Variants in FAM47B observed in about 807,000 individuals in gnomAD.
FAM47B encodes the protein family with sequence similarity 47 member B, also known as protein FAM47B.
For synonymous variants in FAM47B, 247 were observed against 215.8 expected (o/e 1.14, Z -1.27); for missense variants, 581 against 550.1 (o/e 1.06, Z -0.56).
Position 34,943,092 on chromosome X carries a change from A to G in FAM47B, c.261A>G (p.Gln87=), listed in dbSNP as rs746135217. The G allele has an allele frequency of 6.6e-6, 8 of 1,211,840 alleles. No individual in the cohort carries two copies. Among genetic ancestry groups the G allele is most frequent in the Non-Finnish European group, 8.9e-6 (8 of 895,545 alleles). The part of the protein sequence containing the change: ...LLPKISLRGP[Q]ADRKSRKKKL... ...CCAAAATATCTCTCAGAGGTCCCCA[A>G]GCTGACCGCAAAAGCAGGAAGAAAA... The change falls in exon 1 of 1, where the codon CAA becomes CAG. Residue 87 remains glutamine, a synonymous_variant. Transcript: ENST00000329357.
chrX:34,944,643 T>G lies in FAM47B; in HGVS notation c.1812T>G (p.Pro604=), dbSNP rs1926856360. 8.3e-7 allele frequency: 1 copy of G among 1,210,136 alleles called. No homozygotes were observed. Among genetic ancestry groups the G allele is most frequent in the African/African-American group, 1.7e-5 (1 of 57,187 alleles). Residue 604 remains proline (P), a synonymous_variant, in exon 1 of 1, where the codon CCT becomes CCG. Coordinates refer to ENST00000329357, the MANE Select transcript of FAM47B (RefSeq NM_152631.3). ...DFILSKGYRM[P]GVIEKLFAKK... Reference sequence around the variant, plus strand: ...TTCTAAGCAAGGGCTACAGAATGCCTGGCGTCATTGAAAAGCTGTTTGCCA... The same window carrying G: ...TTCTAAGCAAGGGCTACAGAATGCCGGGCGTCATTGAAAAGCTGTTTGCCA...
chrX:34,943,047 C>T lies in FAM47B; in HGVS notation c.216C>T (p.Arg72=), dbSNP rs1162005729. 8.3e-7 allele frequency: 1 copy of T among 1,212,006 alleles called. No homozygotes were observed. The highest frequency in any genetic ancestry group is 1.8e-5 in the South Asian group (1 of 56,978). The change falls in exon 1 of 1, where the codon CGC becomes CGT. Residue 72 remains arginine (R), a synonymous_variant. Transcript: ENST00000329357. ...CTCCTGAAGATACGCTTGTTTGTCG[C>T]CGTGACGAGTTTTTACTCCCCAAAA... The part of the protein sequence containing the change: ...CQSPEDTLVC[R]RDEFLLPKIS...
In FAM47B at chrX:34,944,016, C is replaced by G. The variant is rs756198429; in HGVS notation, c.1185C>G (p.Pro395=). 5 of 1,210,047 alleles carry G rather than the reference C, an allele frequency of 4.1e-6. No homozygotes were observed. The highest frequency in any genetic ancestry group is 3.4e-6 in the Non-Finnish European group (3 of 895,131). The change falls in exon 1 of 1, where the codon CCC becomes CCG. Residue 395 remains proline, a synonymous_variant. Coordinates refer to ENST00000329357, the MANE Select transcript of FAM47B (RefSeq NM_152631.3). ...SCPRPFESRM[P]HLRLVLPITR... ...CGCGGCCTTTTGAGAGTCGGATGCC[C>G]CATCTCCGCCTGGTGCTTCCCATAA...
rs1255633908 is a variant in FAM47B, at chrX:34,944,787, G to A, written c.*18G>A. ...AAGATTAGATGGTTTTCAATTTACT[G>A]CTTAATTGGGTATTTCTTGCTCTCA... On this transcript the variant is annotated 3_prime_UTR_variant, in exon 1 of 1. Coordinates refer to ENST00000329357, the MANE Select transcript of FAM47B (RefSeq NM_152631.3). 1 of 1,133,859 alleles carries A rather than the reference G, an allele frequency of 8.8e-7. No individual in the cohort carries two copies. Among genetic ancestry groups the A allele is most frequent in the East Asian group, 3.0e-5 (1 of 32,977 alleles). 93.4% of individuals were successfully genotyped at this position (1,133,859 alleles called of 1,213,427 possible). A position where few individuals can be genotyped will look rare whatever the true frequency, so the allele number is the denominator to read the frequency against.
rs758718114 is a variant in FAM47B, at chrX:34,943,992, G to T, written c.1161G>T (p.Pro387=). ...PGKYHFWESC[P]RPFESRMPHL... ...AATACCATTTTTGGGAATCCTGTCC[G>T]CGGCCTTTTGAGAGTCGGATGCCCC... The change falls in exon 1 of 1, where the codon CCG becomes CCT. Residue 387 remains proline, a synonymous_variant. Coordinates refer to ENST00000329357, the MANE Select transcript of FAM47B (RefSeq NM_152631.3). The T allele has an allele frequency of 8.3e-7, 1 of 1,210,415 alleles. No homozygotes were observed. Among genetic ancestry groups the T allele is most frequent in the South Asian group, 1.8e-5 (1 of 56,881 alleles).
At position 34,944,249 on chromosome X, in the gene FAM47B, G is replaced by A. The variant is rs1301064836; in HGVS notation, c.1418G>A (p.Gly473Glu). ...GACTTCAAGTGGGCTGGAGACCTAG[G>A]AGTTAATGAAGAATCCATCAGCAGT... ...LRDFKWAGDL[G>E]VNEESISSLF... Residue 473 changes from glycine to glutamate, a missense_variant, in exon 1 of 1, where the codon GGA becomes GAA. Physicochemically the swap from Gly to Glu is moderately conservative, Grantham distance 98 (BLOSUM62 -2). Coordinates refer to ENST00000329357, the MANE Select transcript of FAM47B (RefSeq NM_152631.3). 2 of 1,209,943 alleles carry A rather than the reference G, an allele frequency of 1.7e-6. No individual in the cohort carries two copies. Among genetic ancestry groups the A allele is most frequent in the Non-Finnish European group, 2.2e-6 (2 of 895,330 alleles).
chrX:34,943,134 G>A lies in FAM47B; in HGVS notation c.303G>A (p.Ala101=), dbSNP rs143433018. ...GGAAGAAAAAGCTGCTCAAGAAAGCGGCCCTATTTTCCGAGCTCTCGCCAG... is the reference window on the plus strand; with the variant it reads ...GGAAGAAAAAGCTGCTCAAGAAAGCAGCCCTATTTTCCGAGCTCTCGCCAG... ...KSRKKKLLKK[A]ALFSELSPVQ... The change falls in exon 1 of 1, where the codon GCG becomes GCA. Residue 101 remains alanine, a synonymous_variant. Coordinates refer to ENST00000329357, the MANE Select transcript of FAM47B (RefSeq NM_152631.3). The A allele has an allele frequency of 5.0e-6, 6 of 1,210,099 alleles. No homozygotes were observed. The highest frequency in any genetic ancestry group is 3.5e-5 in the African/African-American group (2 of 57,173).
Position 34,944,539 on chromosome X carries a change from C to T in FAM47B, c.1708C>T (p.Pro570Ser). Residue 570 changes from proline (P) to serine (S), a missense_variant, in exon 1 of 1, where the codon CCC (proline) becomes TCC (serine). Transcript: ENST00000329357. ...KLRSDEPLID[P>S]KPVLEKPDEP... ...AAGAAGTGATGAACCTTTGATTGAC[C>T]CCAAGCCCGTACTTGAAAAGCCTGA... 6 of 1,210,786 alleles carry T rather than the reference C, an allele frequency of 5.0e-6. No individual in the cohort carries two copies. The highest frequency in any genetic ancestry group is 6.7e-6 in the Non-Finnish European group (6 of 895,093).
chrX:34,942,800 G>A lies in FAM47B; in HGVS notation c.-32G>A, dbSNP rs1283785591. On this transcript the variant is annotated 5_prime_UTR_variant, in exon 1 of 1. Transcript: ENST00000329357. ...GCGGCAGGGATCTGGAACCTCAGAA[G>A]CTGGAGAGGTGGCACAACAGAGAGG... 20 of 1,145,279 alleles carry A rather than the reference G, an allele frequency of 1.7e-5. No homozygotes were observed. The highest frequency in any genetic ancestry group is 3.2e-5 in the East Asian group (1 of 31,399). 94.4% of individuals were successfully genotyped at this position (1,145,279 alleles called of 1,213,427 possible).
chrX:34,943,852 G>A lies in FAM47B; in HGVS notation c.1021G>A (p.Val341Met). 1.7e-6 allele frequency: 2 copies of A among 1,208,535 alleles called. No homozygotes were observed. Among genetic ancestry groups the A allele is most frequent in the Non-Finnish European group, 2.2e-6 (2 of 894,711 alleles). Reference sequence around the variant, plus strand: ...CCTGGAACCTCCCAACACTCATCGGGTGTCCAGTTTCCTACTACAGGTGCT... The same window carrying A: ...CCTGGAACCTCCCAACACTCATCGGATGTCCAGTTTCCTACTACAGGTGCT... ...LCLEPPNTHR[V>M]SSFLLQVLKL... The change falls in exon 1 of 1, where the codon GTG becomes ATG. Residue 341 changes from valine (V) to methionine (M), a missense_variant. Transcript: ENST00000329357.
At position 34,943,155 on chromosome X, in the gene FAM47B, G is replaced by A. The variant is rs753064894; in HGVS notation, c.324G>A (p.Ser108=). The change falls in exon 1 of 1, where the codon TCG becomes TCA. Residue 108 remains serine (S), a synonymous_variant. Coordinates refer to ENST00000329357, the MANE Select transcript of FAM47B (RefSeq NM_152631.3). ...AAGCGGCCCTATTTTCCGAGCTCTCGCCAGTACAGCCAGCACGGAAGGCGT... is the reference window on the plus strand; with the variant it reads ...AAGCGGCCCTATTTTCCGAGCTCTCACCAGTACAGCCAGCACGGAAGGCGT... ...LKKAALFSEL[S]PVQPARKAFV... is the part of the protein sequence containing the mutation. 1.7e-6 allele frequency: 2 copies of A among 1,209,547 alleles called. No homozygotes were observed. The highest frequency in any genetic ancestry group is 2.2e-6 in the Non-Finnish European group (2 of 895,162).
rs766510395 is a variant in FAM47B at position 34,944,547 on chromosome X, C to T, written c.1716C>T (p.Pro572=). 2 of 1,210,209 alleles carry T rather than the reference C, an allele frequency of 1.7e-6. No individual in the cohort carries two copies. Among genetic ancestry groups the T allele is most frequent in the East Asian group, 3.0e-5 (1 of 33,803 alleles). The change falls in exon 1 of 1, where the codon CCC becomes CCT. Residue 572 remains proline, a synonymous_variant. Transcript: ENST00000329357. ...ATGAACCTTTGATTGACCCCAAGCC[C>T]GTACTTGAAAAGCCTGATGAACCCG... The part of the protein sequence containing the change: ...RSDEPLIDPK[P]VLEKPDEPDI...
Position 34,944,652 on chromosome X carries a change from T to G in FAM47B, c.1821T>G (p.Ile607Met), listed in dbSNP as rs1391782841. 8.3e-7 allele frequency: 1 copy of G among 1,210,053 alleles called. No homozygotes were observed. Among genetic ancestry groups the G allele is most frequent in the African/African-American group, 1.7e-5 (1 of 57,162 alleles). The change falls in exon 1 of 1, where the codon ATT becomes ATG. Residue 607 changes from isoleucine (I) to methionine (M), a missense_variant. Coordinates refer to ENST00000329357, the MANE Select transcript of FAM47B (RefSeq NM_152631.3). ...AGGGCTACAGAATGCCTGGCGTCAT[T>G]GAAAAGCTGTTTGCCAAGAAGGGAT... ...LSKGYRMPGVIEKLFAKKGWT... is the reference protein window; with the variant it reads ...LSKGYRMPGVMEKLFAKKGWT...
rs372291018 is a variant in FAM47B, at chrX:34,944,438, C to T, written c.1607C>T (p.Pro536Leu). The change falls in exon 1 of 1, where the codon CCG (proline) becomes CTG (leucine). Residue 536 changes from proline to leucine, a missense_variant. Transcript: ENST00000329357. ...TGGGACAGGAGACGCCGGGCGGCAC[C>T]GCATTCTTATAGTGCACAGCGTGGG... ...KYWDRRRRAA[P>L]HSYSAQRGRI... The T allele has an allele frequency of 2.6e-5, 32 of 1,209,845 alleles. No individual in the cohort carries two copies. The highest frequency in any genetic ancestry group is 3.5e-5 in the Non-Finnish European group (31 of 895,206).
rs1260027982 is a variant in FAM47B at position 34,943,917 on chromosome X, T to C, written c.1086T>C (p.Ala362=). 1.3e-5 allele frequency: 16 copies of C among 1,211,183 alleles called. No individual in the cohort carries two copies. The highest frequency in any genetic ancestry group is 1.8e-5 in the Non-Finnish European group (16 of 895,456). ...DSEKKLEDAR[A]RCEGQEMTTE... ...AGAAGAAGCTGGAAGACGCACGGGCTCGTTGTGAGGGCCAGGAGATGACAA... is the reference window on the plus strand; with the variant it reads ...AGAAGAAGCTGGAAGACGCACGGGCCCGTTGTGAGGGCCAGGAGATGACAA... The change falls in exon 1 of 1, where the codon GCT becomes GCC. Residue 362 remains alanine, a synonymous_variant. Coordinates refer to ENST00000329357, the MANE Select transcript of FAM47B (RefSeq NM_152631.3).
chrX:34,944,542 A>G lies in FAM47B; in HGVS notation c.1711A>G (p.Lys571Glu). ...LRSDEPLIDP[K>E]PVLEKPDEPD... ...AAGTGATGAACCTTTGATTGACCCC[A>G]AGCCCGTACTTGAAAAGCCTGATGA... The change falls in exon 1 of 1, where the codon AAG becomes GAG. Residue 571 changes from lysine (K) to glutamate (E), a missense_variant. Lys to Glu is a moderately conservative substitution (Grantham distance 56, BLOSUM62 1). Coordinates refer to ENST00000329357, the MANE Select transcript of FAM47B (RefSeq NM_152631.3). 15 of 1,210,998 alleles carry G rather than the reference A, an allele frequency of 1.2e-5. No individual in the cohort carries two copies. The highest frequency in any genetic ancestry group is 1.5e-5 in the Non-Finnish European group (13 of 895,124).
Position 34,944,439 on chromosome X carries a change from G to T in FAM47B, c.1608G>T (p.Pro536=). The T allele has an allele frequency of 2.5e-6, 3 of 1,211,758 alleles. No individual in the cohort carries two copies. Among genetic ancestry groups the T allele is most frequent in the Non-Finnish European group, 3.4e-6 (3 of 895,494 alleles). Residue 536 remains proline (P), a synonymous_variant, in exon 1 of 1, where the codon CCG becomes CCT. Transcript: ENST00000329357. The stretch of plus-strand genomic sequence containing the variant: ...GGGACAGGAGACGCCGGGCGGCACC[G>T]CATTCTTATAGTGCACAGCGTGGGA... ...KYWDRRRRAA[P]HSYSAQRGRI... is the part of the protein sequence containing the mutation.
rs146915956 is a variant in FAM47B, at chrX:34,944,722, G to A, written c.1891G>A (p.Val631Ile). The change falls in exon 1 of 1, where the codon GTT (valine) becomes ATT (isoleucine). Residue 631 changes from valine to isoleucine, a missense_variant. Physicochemically the swap from Val to Ile is conservative, Grantham distance 29. Coordinates refer to ENST00000329357, the MANE Select transcript of FAM47B (RefSeq NM_152631.3). Reference protein sequence around the residue: ...VKTPIQRAVQVYKYKEDVTDA... With the variant: ...VKTPIQRAVQIYKYKEDVTDA... ...GACTCCTATTCAACGTGCAGTGCAA[G>A]TTTACAAGTACAAAGAAGACGTCAC... The A allele has an allele frequency of 8.4e-7, 1 of 1,186,003 alleles. No homozygotes were observed. Among genetic ancestry groups the A allele is most frequent in the Non-Finnish European group, 1.1e-6 (1 of 882,697 alleles).
rs748787682 is a variant in FAM47B, at chrX:34,943,337, G to A, written c.506G>A (p.Arg169Gln). The A allele has an allele frequency of 4.1e-5, 50 of 1,207,995 alleles. No homozygotes were observed. The Admixed American group carries it at 9.0e-4, about 22-fold the overall frequency. The change falls in exon 1 of 1, where the codon CGG becomes CAG. Residue 169 changes from arginine to glutamine, a missense_variant. Arg to Gln is a conservative substitution (Grantham distance 43). Transcript: ENST00000329357. ...LEDAWARCEA[R>Q]EKTTEVPTES... The stretch of plus-strand genomic sequence containing the variant: ...GACGCTTGGGCTCGTTGTGAGGCCC[G>A]GGAGAAGACAACCGAGGTACCCACC...
Sources: allele counts gnomAD v4.1 joint callset, GRCh38; gene constraint gnomAD v4.1.1; transcripts MANE v1.5; gene names NCBI Gene and HGNC (gene_info 2026-07-23, HGNC 2026-07-21).